Variants in TRIM5 observed in about 807,000 individuals in gnomAD.
TRIM5 encodes the protein tripartite motif-containing protein 5.
In TRIM5, 31 loss-of-function variants were observed where a neutral mutation model predicts 35.6. The ratio of observed to expected loss-of-function variants is 0.87; its 90% CI spans 0.65 to 1.18. TRIM5 has a LOEUF of 1.18. Ranked by LOEUF, TRIM5 falls within the 50% of genes most tolerant of loss-of-function variation. TRIM5 has a pLI of 0.00. For synonymous variants in TRIM5, 243 were observed against 215.6 expected (o/e 1.13, Z -1.11); for missense variants, 609 against 591.6 (o/e 1.03, Z -0.31).
chr11:5,654,391 G>C, the TRIM5 span, among the ~76,000 whole-genome samples: 927 of 152,310 alleles, frequency 6.1e-3, 17 homozygotes, highest in African/African-American at 0.021. Flanking sequence ...GTGGTATAGT[G>C]TTCATGTAAT....
rs746826034 is a variant in TRIM5, at chr11:5,678,179, G to A, written c.744+25C>T. ...GCCTTCACTTTTCTTTAATCTCAGT[G>A]CTCAGGCTTCTTTCCACTTTTTACC... On this transcript the variant is annotated intron_variant, in intron 4 of 7. Coordinates refer to ENST00000380034, the MANE Select transcript of TRIM5 (RefSeq NM_033034.3). The A allele has an allele frequency of 3.2e-6, 5 of 1,579,350 alleles. No homozygotes were observed. In the Admixed American group the frequency reaches 7.0e-5, roughly 22 times the overall value.
At chr11:5,614,877 CA>C in the TRIM5 span, among the ~76,000 whole-genome samples, 1 of 152,130 alleles carries the variant, frequency 6.6e-6, no homozygotes, top group Non-Finnish European at 1.5e-5. Flanking sequence ...TGAAACTCAT[CA>C]CCATCAAGGC....
chr11:5,658,340 T>C (rs577244352), downstream of TRIM5, among the ~76,000 whole-genome samples: 16 of 152,198 alleles, frequency 1.1e-4, no homozygotes, highest in Non-Finnish European at 1.8e-4. Flanking sequence ...CTACTCCATC[T>C]TCCTTCTGGC....
At chr11:5,601,326 T>G in the TRIM5 span, among the ~76,000 whole-genome samples, 1 of 152,272 alleles carries the variant, frequency 6.6e-6, no homozygotes, top group Admixed American at 6.5e-5. Flanking sequence ...CATGATTGTG[T>G]AAAGTCACTT....
chr11:5,641,091 T>G, the TRIM5 span: 26 of 1,502,784 alleles, frequency 1.7e-5, no homozygotes, highest in African/African-American at 3.7e-4. Flanking sequence ...TTTTTTTTCC[T>G]ACTGTTCTTC....
At chr11:5,625,721 A>G in the TRIM5 span, among the ~76,000 whole-genome samples, 1 of 146,174 alleles carries the variant, frequency 6.8e-6, no homozygotes, top group Non-Finnish European at 1.5e-5. Context: ...TGCAGGTCTC[A>G]GGGCTCTCCT....
At chr11:5,632,313 A>C in the TRIM5 span, 6 of 1,613,944 alleles carry the variant, frequency 3.7e-6, no homozygotes, top group South Asian at 1.1e-5. Flanking sequence ...GGACCAGAAG[A>C]AGCCAGGGAA....
chr11:5,608,135 T>C, the TRIM5 span, among the ~76,000 whole-genome samples: 94 of 152,202 alleles, frequency 6.2e-4, no homozygotes, highest in Non-Finnish European at 1.1e-3. Flanking sequence ...CACACACATA[T>C]GCACACACAC....
At chr11:5,679,302 T>C (rs1449137651) in intron 2 of TRIM5, 133 bp from the exon 3 acceptor site, 3 of 772,028 alleles carry the variant, frequency 3.9e-6, no homozygotes, top group African/African-American at 3.5e-5. Flanking sequence ...GCAATGAGAA[T>C]CCATGACTTG....
At chr11:5,634,945 G>A in the TRIM5 span, 1 of 1,473,394 alleles carries the variant, frequency 6.8e-7, no homozygotes, top group Non-Finnish European at 9.1e-7. Context: ...GTGACACTAA[G>A]GGGTTTCTTT....
the TRIM5 span, among the ~76,000 whole-genome samples, chr11:5,605,905 G>T: frequency 1.3e-5 from 2 of 152,112 alleles, no homozygotes; most frequent in Admixed American, 1.3e-4. Context: ...TCTTTGCTGC[G>T]TGGGGTTCTC....
the TRIM5 span, chr11:5,605,082 A>C: frequency 5.6e-6 from 3 of 537,784 alleles, no homozygotes; most frequent in African/African-American, 1.9e-5. Context: ...CTGGAATCTA[A>C]ACGTCACCCA....
At chr11:5,679,678 G>C in intron 2 of TRIM5, 83 bp downstream of exon 2, 1 of 1,396,936 alleles carries the variant, frequency 7.2e-7, no homozygotes, top group Non-Finnish European at 9.7e-7. Flanking sequence ...ATCATGACAA[G>C]GCAGTTAATG....
At chr11:5,630,392 C>T in the TRIM5 span, among the ~76,000 whole-genome samples, 2 of 152,110 alleles carry the variant, frequency 1.3e-5, no homozygotes, top group Non-Finnish European at 2.9e-5. Context: ...TGTCCTGCAT[C>T]CTCCCATCCC....
chr11:5,679,399 T>C (rs1179193706), intron 2 of TRIM5, among the ~76,000 whole-genome samples: 1 of 152,212 alleles, frequency 6.6e-6, no homozygotes, highest in Non-Finnish European at 1.5e-5. Context: ...CTGATTCTTT[T>C]TGTCCTAGAA....
chr11:5,640,988 A>G, the TRIM5 span, among the ~76,000 whole-genome samples: 1 of 150,898 alleles, frequency 6.6e-6, no homozygotes, highest in East Asian at 1.9e-4. Flanking sequence ...GTAATATCCC[A>G]TCTTTCATTC....
downstream of TRIM5, among the ~76,000 whole-genome samples, chr11:5,660,382 G>A (rs1322709835): frequency 6.6e-6 from 1 of 152,138 alleles, no homozygotes; most frequent in Non-Finnish European, 1.5e-5. Context: ...ACAGAAACAG[G>A]AAACTCCCCC....
At chr11:5,677,503 G>A (rs887688126) in intron 4 of TRIM5, among the ~76,000 whole-genome samples, 3 of 152,224 alleles carry the variant, frequency 2.0e-5, no homozygotes, top group Non-Finnish European at 4.4e-5. Context: ...TACACTGTTG[G>A]TGGGACTGTA....
the TRIM5 span, among the ~76,000 whole-genome samples, chr11:5,639,679 C>CAAAAAAAAAAA: frequency 1.6e-4 from 8 of 51,138 alleles, no homozygotes; most frequent in Admixed American, 3.1e-4. Context: ...GACTCTATTT[C>CAAAAAAAAAAA]AAAAAAAAAA....
Sources: allele counts gnomAD v4.1 joint callset (sites outside exome capture counted in the v4.1 genomes callset), GRCh38; gene constraint gnomAD v4.1.1; transcripts MANE v1.5; gene names NCBI Gene and HGNC (gene_info 2026-07-23, HGNC 2026-07-21).